WDR47: variants seen among roughly 807,000 people sequenced by gnomAD.
WDR47 encodes the protein WD repeat-containing protein 47.
WDR47 carries 32 observed loss-of-function variants against 97.2 expected under a neutral mutation model. That is an observed-to-expected ratio of 0.33 (90% CI 0.25 to 0.44). The LOEUF is 0.44. Ranked by LOEUF, WDR47 falls within the 20% of genes least tolerant of loss-of-function variation. The pLI, the probability that WDR47 is intolerant of heterozygous loss-of-function variation, is 1.00. For synonymous variants in WDR47, 375 were observed against 373.5 expected, an observed-to-expected ratio of 1.00 and a Z score of -0.05; for missense variants, 782 against 1,102.3, an observed-to-expected ratio of 0.71 and a Z score of 4.11.
chr1:109,037,181 T>C (rs551977116), intron 1 of WDR47, among the ~76,000 whole-genome samples: 3 of 150,910 alleles, frequency 2.0e-5, no homozygotes, highest in Non-Finnish European at 4.4e-5. Flanking sequence ...AATACAAAAT[T>C]AGCCAGGCGT....
chr1:108,982,552 A>G, intron 12 of WDR47, 57 bp downstream of exon 12: 1 of 1,532,972 alleles, frequency 6.5e-7, no homozygotes, highest in South Asian at 1.3e-5. Flanking sequence ...GCAGAGAGGA[A>G]AAAAAAGCAC....
At chr1:108,977,296 C>T (rs998905844) in intron 13 of WDR47, among the ~76,000 whole-genome samples, 12 of 151,996 alleles carry the variant, frequency 7.9e-5, no homozygotes, top group African/African-American at 2.4e-4. Context: ...GGATTACAGG[C>T]GCCCACCACC....
At chr1:108,987,519 G>A (rs771834599) in intron 9 of WDR47, among the ~76,000 whole-genome samples, 6 of 151,988 alleles carry the variant, frequency 3.9e-5, no homozygotes, top group Non-Finnish European at 7.4e-5. Context: ...CCAGGCTGGA[G>A]TGCAGTGGCG....
Position 108,979,332 on chromosome 1 carries a change from T to C in WDR47, c.2398+2401A>G, listed in dbSNP as rs544925950. Among the ~76,000 whole-genome samples, 6 of 152,142 alleles carry C rather than the reference T, an allele frequency of 3.9e-5. No individual in the cohort carries two copies. The South Asian group carries it at 8.3e-4, about 21-fold the overall frequency. On this transcript the variant is annotated intron_variant, in intron 13 of 14. Coordinates refer to ENST00000369962, the MANE Select transcript of WDR47 (RefSeq NM_001142551.2). ...GTCCTGGTTAAAATAATGTAAACAA[T>C]GACTAACTGAGCTAACCAAAATTGA...
chr1:108,973,761 G>A (rs1193531054), intron 14 of WDR47, among the ~76,000 whole-genome samples: 1 of 152,044 alleles, frequency 6.6e-6, no homozygotes, highest in Non-Finnish European at 1.5e-5. Context: ...GTGCACAGAT[G>A]TAGTTCCAGC....
In WDR47 at chr1:109,031,946, T is replaced by C. The variant is rs1252264975; in HGVS notation, c.-9-8425A>G. Among the ~76,000 whole-genome samples, 2 of 137,030 alleles carry C rather than the reference T, an allele frequency of 1.5e-5. 1 individual carries two copies. The highest frequency in any genetic ancestry group is 5.2e-5 in the African/African-American group (2 of 38,146). The allele number at this position is 137,030 out of a possible 152,430, so 89.9% of individuals were successfully genotyped here. On this transcript the variant is annotated intron_variant, in intron 1 of 14. Coordinates refer to ENST00000369962, the MANE Select transcript of WDR47 (RefSeq NM_001142551.2). ...TTCCCAGTAATTGGGACTACAGGCA[T>C]GCACCACCATACCTGGCTAATTTTT... is the stretch of plus-strand genomic sequence containing the variant.
chr1:109,017,587 T>C lies in WDR47; in HGVS notation c.173A>G (p.Asp58Gly). 1 of 1,611,750 alleles carries C rather than the reference T, an allele frequency of 6.2e-7. No individual in the cohort carries two copies. The highest frequency in any genetic ancestry group is 1.1e-5 in the South Asian group (1 of 90,556). Residue 58 changes from aspartate (D) to glycine (G), a missense_variant, in exon 3 of 15, where the codon GAT becomes GGT. This residue lies in a region of WDR47 where 428 missense variants were observed against 584.3 expected (regional missense o/e 0.73). Transcript: ENST00000369962. The stretch of plus-strand genomic sequence containing the variant: ...CTGAAGAACTTCATCCCATTGACCA[T>C]CAAGTATTAGCTGCCTAAATAAAAA... The part of the protein sequence containing the change: ...DMLFLRQLIL[D>G]GQWDEVLQFI...
chr1:108,990,819 G>C (rs1659279540), intron 9 of WDR47, among the ~76,000 whole-genome samples: 1 of 151,998 alleles, frequency 6.6e-6, no homozygotes. Context: ...AGGGTTCAGA[G>C]AATAACACAG....
At chr1:109,004,839 C>T (rs1016473570) in intron 5 of WDR47, 124 bp from the exon 6 acceptor site, 24 of 1,204,978 alleles carry the variant, frequency 2.0e-5, no homozygotes, top group African/African-American at 1.3e-4. Context: ...TCTGTAGCCC[C>T]GACTGGAGTG....
chr1:108,979,300 T>C (rs1658162592), intron 13 of WDR47, among the ~76,000 whole-genome samples: 2 of 152,210 alleles, frequency 1.3e-5, no homozygotes, highest in African/African-American at 4.8e-5. Flanking sequence ...AAGCCATGAA[T>C]GGCATCGTCC....
At chr1:108,985,976 C>CAAA (rs35165386) in intron 10 of WDR47, among the ~76,000 whole-genome samples, 3,821 of 96,054 alleles carry the variant, frequency 0.04, 185 homozygotes, top group African/African-American at 0.13. Context: ...ATAGAGATAG[C>CAAA]AAAAAAAAAA....
intron 1 of WDR47, among the ~76,000 whole-genome samples, chr1:109,026,050 C>CT (rs557580439): frequency 0.11 from 15,745 of 144,924 alleles, 924 homozygotes; most frequent in African/African-American, 0.16. Context: ...TCACTAAATT[C>CT]TTTTTTTTTT....
At chr1:109,008,435 G>C (rs1270071364) in intron 5 of WDR47, among the ~76,000 whole-genome samples, 1 of 151,768 alleles carries the variant, frequency 6.6e-6, no homozygotes, top group Non-Finnish European at 1.5e-5. Flanking sequence ...TAATTTTTTT[G>C]TATTTTTAGT....
chr1:109,008,986 G>A (rs1660839395), intron 5 of WDR47, among the ~76,000 whole-genome samples: 1 of 152,096 alleles, frequency 6.6e-6, no homozygotes, highest in Non-Finnish European at 1.5e-5. Context: ...TCGGGAGGCT[G>A]AGGCAGGAGA....
intron 8 of WDR47, 52 bp from the exon 9 acceptor site, chr1:108,991,381 CTAAAT>C (rs1659340163): frequency 6.6e-7 from 1 of 1,515,792 alleles, no homozygotes; most frequent in African/African-American, 1.4e-5. Flanking sequence ...AAAATAGAAA[CTAAAT>C]TAATTTACCC....
At chr1:109,036,905 T>C (rs918942474) in intron 1 of WDR47, among the ~76,000 whole-genome samples, 1 of 152,148 alleles carries the variant, frequency 6.6e-6, no homozygotes. Context: ...CTATATACAG[T>C]GAAACTAACA....
chr1:108,976,817 T>A (rs756598140), intron 13 of WDR47, among the ~76,000 whole-genome samples: 2 of 152,160 alleles, frequency 1.3e-5, no homozygotes, highest in African/African-American at 4.8e-5. Context: ...ATGGCTTTAC[T>A]GGACATGGGA....
rs182608349 is a variant in WDR47, at chr1:108,971,204, G to A, written c.*226C>T. 6.0e-5 allele frequency: 29 copies of A among 480,934 alleles called. No individual in the cohort carries two copies. The highest frequency in any genetic ancestry group is 4.4e-4 in the African/African-American group (23 of 51,834). 29.8% of individuals were successfully genotyped at this position (480,934 alleles called of 1,614,324 possible). A position where few individuals can be genotyped will look rare whatever the true frequency, so the allele number is the denominator to read the frequency against. ...GAGCTCTTCTGCAGACTTTGGCAAC[G>A]AGACTACATATAGCAGGTCACAGCA... On this transcript the variant is annotated 3_prime_UTR_variant, in exon 15 of 15. Transcript: ENST00000369962.
At chr1:109,020,561 C>T (rs758148039) in intron 2 of WDR47, among the ~76,000 whole-genome samples, 10 of 152,048 alleles carry the variant, frequency 6.6e-5, no homozygotes, top group Non-Finnish European at 1.3e-4. Context: ...TGTGCCCAGC[C>T]GAACATATTT....
Sources: gnomAD v4.1 joint callset for allele counts (sites outside exome capture counted in the v4.1 genomes callset) on GRCh38, gnomAD v4.1.1 for gene constraint, gnomAD v4.1.1 regional missense constraint, MANE v1.5 for transcripts, NCBI Gene and HGNC (gene_info 2026-07-23, HGNC 2026-07-21) for gene names.